MICALL2: variants seen among roughly 807,000 people sequenced by gnomAD.
MICALL2 encodes MICAL-like protein 2.
In MICALL2, 111 loss-of-function variants were observed where a neutral mutation model predicts 91.1. The ratio of observed to expected loss-of-function variants is 1.22; its 90% CI spans 1.04 to 1.43. The LOEUF is 1.43. Ranked by LOEUF, MICALL2 falls within the 40% of genes most tolerant of loss-of-function variation. The probability of loss-of-function intolerance (pLI) is 0.00; values close to 1 mark genes in which losing one functional copy is unlikely to be tolerated. For missense variants in MICALL2, 1,556 were observed against 1,236.0 expected (o/e 1.26, Z -3.88); for synonymous variants, 694 against 525.3 (o/e 1.32, Z -4.39).
In MICALL2 at chr7:1,442,303, C is replaced by A. The variant is rs1780326287; in HGVS notation, c.1600G>T (p.Ala534Ser). 6.2e-7 allele frequency: 1 copy of A among 1,613,018 alleles called. No homozygotes were observed. Among genetic ancestry groups the A allele is most frequent in the African/African-American group, 1.3e-5 (1 of 74,934 alleles). ...GATTCCGCCAAGTTCCTCCTGCCTG[C>A]CGGGGGCAACGCGGATGCCTGAGAG... ...STSQASALPPAGRRNLAESSG... is the reference protein window; with the variant it reads ...STSQASALPPSGRRNLAESSG... Residue 534 changes from alanine to serine, a missense_variant, in exon 7 of 17, where the codon GCA becomes TCA. Transcript: ENST00000297508.
chr7:1,450,991 A>G (rs867266639), intron 1 of MICALL2, among the ~76,000 whole-genome samples: 9 of 152,188 alleles, frequency 5.9e-5, no homozygotes, highest in African/African-American at 2.2e-4. Flanking sequence ...CCCAGGTCAC[A>G]CAGCGGGGAG....
chr7:1,434,402 T>C lies in MICALL2; in HGVS notation c.*194A>G, dbSNP rs758847281. The C allele has an allele frequency of 4.3e-5, 30 of 692,224 alleles. No individual in the cohort carries two copies. Among genetic ancestry groups the C allele is most frequent in the Middle Eastern group, 2.3e-4 (1 of 4,338 alleles). The allele number at this position is 692,224 out of a possible 1,614,324, so 42.9% of individuals were successfully genotyped here. On this transcript the variant is annotated 3_prime_UTR_variant, in exon 17 of 17. Coordinates refer to ENST00000297508, the MANE Select transcript of MICALL2 (RefSeq NM_182924.4). Reference sequence around the variant, plus strand: ...GTTTCTTTATTGAGACCACAGACGGTAGCGCAGGTCCCTGCTGTCCACATG... The same window carrying C: ...GTTTCTTTATTGAGACCACAGACGGCAGCGCAGGTCCCTGCTGTCCACATG...
intron 9 of MICALL2, chr7:1,439,544 TCA>T (rs145092400): frequency 0.058 from 12,338 of 211,090 alleles, 511 homozygotes; most frequent in Middle Eastern, 0.1. Context: ...TGGACACGCA[TCA>T]CACATGTACA....
At chr7:1,434,980 T>TTGCCCCCCCCC in intron 16 of MICALL2, 121 bp downstream of exon 16, 1 of 628,932 alleles carries the variant, frequency 1.6e-6, no homozygotes, top group Non-Finnish European at 2.8e-6. Flanking sequence ...GGGGACCCGA[T>TTGCCCCCCCCC]ACCCGCCCCC....
chr7:1,437,422 G>A (rs988518161), intron 14 of MICALL2, 113 bp downstream of exon 14: 19 of 915,126 alleles, frequency 2.1e-5, no homozygotes, highest in Admixed American at 6.6e-5. Context: ...CTGGCTCCAG[G>A]GAAGGTCTCA....
rs528220185 is a variant in MICALL2 at position 1,445,408 on chromosome 7, G to C, written c.662C>G (p.Thr221Arg). The C allele has an allele frequency of 1.3e-6, 2 of 1,554,598 alleles. No individual in the cohort carries two copies. Among genetic ancestry groups the C allele is most frequent in the African/African-American group, 1.4e-5 (1 of 73,906 alleles). ...SCFRCKQCSC[T>R]LHSGAYKATG... The stretch of plus-strand genomic sequence containing the variant: ...GGCCTTGTAGGCCCCCGAGTGCAGC[G>C]TGCAGGAGCACTGCTTACACCTGGG... The change falls in exon 6 of 17, where the codon ACG (threonine) becomes AGG (arginine). Residue 221 changes from threonine (T) to arginine (R), a missense_variant. Thr to Arg is a moderately conservative substitution (Grantham distance 71). Coordinates refer to ENST00000297508, the MANE Select transcript of MICALL2 (RefSeq NM_182924.4).
rs77897429 is a variant in MICALL2, at chr7:1,458,018, G to A, written c.143+1166C>T. On this transcript the variant is annotated intron_variant, in intron 1 of 16. Coordinates refer to ENST00000297508, the MANE Select transcript of MICALL2 (RefSeq NM_182924.4). ...CTGCCTGCAAGGGCAACAGAGGCAC[G>A]TTCCTGGCGAGGGAGAGCGGCTGCT... Among the ~76,000 whole-genome samples the A allele has an allele frequency of 4.9e-4, 75 of 152,392 alleles. No individual in the cohort carries two copies. In the East Asian group the frequency reaches 0.013, roughly 27 times the overall value.
rs747056124 is a variant in MICALL2, at chr7:1,459,210, G to C, written c.117C>G (p.Ile39Met). The change falls in exon 1 of 17, where the codon ATC becomes ATG. Residue 39 changes from isoleucine (I) to methionine (M), a missense_variant. Physicochemically the swap from Ile to Met is conservative, Grantham distance 10 (BLOSUM62 1). Coordinates refer to ENST00000297508, the MANE Select transcript of MICALL2 (RefSeq NM_182924.4). ...TGAGGTCGGGCCGGTGGCGGTGCAGGATGGCGCAGAAAGCCAGGCCGTCGC... is the reference window on the plus strand; with the variant it reads ...TGAGGTCGGGCCGGTGGCGGTGCAGCATGGCGCAGAAAGCCAGGCCGTCGC... Reference protein sequence around the residue: ...SFRDGLAFCAILHRHRPDLIN... With the variant: ...SFRDGLAFCAMLHRHRPDLIN... 3 of 1,610,844 alleles carry C rather than the reference G, an allele frequency of 1.9e-6. No individual in the cohort carries two copies. The highest frequency in any genetic ancestry group is 2.5e-6 in the Non-Finnish European group (3 of 1,178,920).
intron 16 of MICALL2, 69 bp downstream of exon 16, chr7:1,435,032 G>C (rs1716208467): frequency 1.1e-6 from 1 of 934,322 alleles, no homozygotes; most frequent in Non-Finnish European, 1.4e-6. Context: ...CAGCCAGCCA[G>C]CCCAGCACTC....
intron 6 of MICALL2, among the ~76,000 whole-genome samples, chr7:1,443,761 T>A (rs1249671164): frequency 6.6e-6 from 1 of 152,186 alleles, no homozygotes; most frequent in Non-Finnish European, 1.5e-5. Flanking sequence ...CCTAGTGCCC[T>A]GCAAGGGGAC....
At chr7:1,450,030 C>G (rs1351535778) in intron 2 of MICALL2, among the ~76,000 whole-genome samples, 1 of 152,234 alleles carries the variant, frequency 6.6e-6, no homozygotes, top group African/African-American at 2.4e-5. Flanking sequence ...GACCAGTATG[C>G]CCTGGGTGCC....
rs773446328 is a variant in MICALL2, at chr7:1,438,928, G to A, written c.2034C>T (p.Asn678=). The A allele has an allele frequency of 1.2e-6, 2 of 1,608,002 alleles. No homozygotes were observed. Among genetic ancestry groups the A allele is most frequent in the African/African-American group, 1.3e-5 (1 of 75,044 alleles). Residue 678 remains asparagine, a synonymous_variant, in exon 10 of 17, where the codon AAC becomes AAT. Transcript: ENST00000297508. ...AVPASLDVCD[N]WLRPEPPGQE... ...GGCCAGGGGGCTCCGGCCGAAGCCA[G>A]TTGTCACAAACGTCGAGGCTGGCAG...
intron 15 of MICALL2, among the ~76,000 whole-genome samples, chr7:1,436,107 C>T (rs544403880): frequency 1.3e-4 from 19 of 150,536 alleles, no homozygotes; most frequent in Admixed American, 5.3e-4. Context: ...TAAGACTTTA[C>T]GGCCAGTTAC....
At chr7:1,436,716 A>C in intron 15 of MICALL2, 26 bp downstream of exon 15, 43 of 1,556,734 alleles carry the variant, frequency 2.8e-5, no homozygotes, top group Non-Finnish European at 3.5e-5. Flanking sequence ...CCTGGCTGGG[A>C]GGGGCCCCCG....
rs374346060 is a variant in MICALL2, at chr7:1,440,552, G to A, written c.1805+39C>T. 7.8e-6 allele frequency: 12 copies of A among 1,540,098 alleles called. No homozygotes were observed. In the African/African-American group the frequency reaches 9.6e-5, roughly 12 times the overall value. On this transcript the variant is annotated intron_variant, in intron 8 of 16. Transcript: ENST00000297508. ...CTCACTGCATTTATTAAGCACCTATGGTGTACCAGGCCCTGGGCCAGCCCC... is the reference window on the plus strand; with the variant it reads ...CTCACTGCATTTATTAAGCACCTATAGTGTACCAGGCCCTGGGCCAGCCCC...
intron 7 of MICALL2, 52 bp from the exon 8 acceptor site, chr7:1,440,736 G>T (rs775323550): frequency 6.7e-7 from 1 of 1,486,170 alleles, no homozygotes; most frequent in Non-Finnish European, 9.3e-7. Context: ...TGGGAATGGG[G>T]TGTCTGCAAG....
At chr7:1,437,866 A>AG in intron 13 of MICALL2, 24 bp downstream of exon 13, 1 of 1,543,198 alleles carries the variant, frequency 6.5e-7, no homozygotes, top group Non-Finnish European at 8.8e-7. Flanking sequence ...GCCTTCGAGG[A>AG]GGGGCCCACG....
chr7:1,447,474 G>A, intron 4 of MICALL2, 101 bp downstream of exon 4: 1 of 706,910 alleles, frequency 1.4e-6, no homozygotes, highest in Non-Finnish European at 2.3e-6. Flanking sequence ...ACCCCACTCT[G>A]GGTCCCGTGG....
intron 3 of MICALL2, among the ~76,000 whole-genome samples, chr7:1,448,374 T>C (rs892805952): frequency 1.2e-4 from 18 of 152,116 alleles, no homozygotes; most frequent in Admixed American, 8.5e-4. Context: ...TGCAGCAGGA[T>C]GAGGGCCCCG....
Sources: allele counts gnomAD v4.1 joint callset (sites outside exome capture counted in the v4.1 genomes callset), GRCh38; gene constraint gnomAD v4.1.1; transcripts MANE v1.5; gene names NCBI Gene and HGNC (gene_info 2026-07-23, HGNC 2026-07-21).